Variants in TOGARAM1 observed in about 807,000 individuals in gnomAD.
TOGARAM1 encodes the protein TOG array regulator of axonemal microtubules 1, also known as TOG array regulator of axonemal microtubules protein 1.
TOGARAM1 carries 100 observed loss-of-function variants against 166.6 expected under a neutral mutation model. That is an observed-to-expected ratio of 0.60 (90% confidence interval 0.51 to 0.71). The LOEUF (loss-of-function observed/expected upper bound fraction) is 0.71, where lower values mean the gene tolerates loss of function less well. Among genes scored for constraint, TOGARAM1 ranks in the 30% least tolerant of loss-of-function variants. TOGARAM1 has a pLI of 0.00. For missense variants in TOGARAM1, 2,029 were observed against 2,102.7 expected (o/e 0.96, Z 0.69); for synonymous variants, 758 against 763.8 (o/e 0.99, Z 0.13).
At chr14:44,968,653 C>T (rs1174237505) in intron 1 of TOGARAM1, among the ~76,000 whole-genome samples, 1 of 152,198 alleles carries the variant, frequency 6.6e-6, no homozygotes, top group African/African-American at 2.4e-5. Context: ...TGACCCACCT[C>T]ATCCGGTACT....
At chr14:45,012,462 A>G (rs1276326127) in intron 7 of TOGARAM1, among the ~76,000 whole-genome samples, 7 of 152,226 alleles carry the variant, frequency 4.6e-5, no homozygotes, top group Non-Finnish European at 1.0e-4. Flanking sequence ...TTCTTTAAAA[A>G]CAATATTAAC....
At chr14:45,026,835 CAAAA>C (rs57156294) in intron 8 of TOGARAM1, among the ~76,000 whole-genome samples, 1 of 139,670 alleles carries the variant, frequency 7.2e-6, no homozygotes. Flanking sequence ...CCATCTCTAC[CAAAA>C]AAAAAAAAAA....
At chr14:45,003,795 A>G (rs1449617545) in intron 3 of TOGARAM1, among the ~76,000 whole-genome samples, 1 of 152,184 alleles carries the variant, frequency 6.6e-6, no homozygotes, top group Non-Finnish European at 1.5e-5. Flanking sequence ...ATATACATGC[A>G]TGTATGTATG....
At chr14:44,999,755 A>T (rs1189694962) in intron 3 of TOGARAM1, among the ~76,000 whole-genome samples, 1 of 152,206 alleles carries the variant, frequency 6.6e-6, no homozygotes, top group Non-Finnish European at 1.5e-5. Context: ...TGATATATAC[A>T]TAATAGTGGT....
chr14:45,041,772 G>A (rs1017809931), intron 11 of TOGARAM1, among the ~76,000 whole-genome samples: 1 of 151,922 alleles, frequency 6.6e-6, no homozygotes, highest in Non-Finnish European at 1.5e-5. Flanking sequence ...TTTTGTCTTT[G>A]TTTGTTTGAG....
intron 3 of TOGARAM1, 145 bp from the exon 4 acceptor site, chr14:45,003,911 CAAATT>C: frequency 1.9e-6 from 1 of 538,574 alleles, no homozygotes. Flanking sequence ...TTGAATAACA[CAAATT>C]AAATTAGTCC....
At chr14:45,062,704 T>C (rs774991655) in intron 16 of TOGARAM1, among the ~76,000 whole-genome samples, 4 of 152,222 alleles carry the variant, frequency 2.6e-5, no homozygotes, top group Non-Finnish European at 5.9e-5. Flanking sequence ...TTATTCATTA[T>C]AAAATAGGCT....
At chr14:44,989,112 A>G (rs990988685) in intron 1 of TOGARAM1, among the ~76,000 whole-genome samples, 1 of 152,248 alleles carries the variant, frequency 6.6e-6, no homozygotes, top group Admixed American at 6.5e-5. Flanking sequence ...ACAGCAATAC[A>G]TAATGATAGT....
chr14:45,037,459 G>A (rs1364835882), intron 11 of TOGARAM1, among the ~76,000 whole-genome samples: 2 of 152,050 alleles, frequency 1.3e-5, no homozygotes, highest in Non-Finnish European at 2.9e-5. Context: ...TCATGGAGAG[G>A]GTGTAATACA....
At chr14:45,040,633 C>T (rs1881679524) in intron 11 of TOGARAM1, among the ~76,000 whole-genome samples, 1 of 152,148 alleles carries the variant, frequency 6.6e-6, no homozygotes, top group Non-Finnish European at 1.5e-5. Flanking sequence ...AGCTGTTAAA[C>T]AGATAATATA....
intron 2 of TOGARAM1, among the ~76,000 whole-genome samples, chr14:44,997,705 C>G (rs1170449588): frequency 6.6e-6 from 1 of 151,574 alleles, no homozygotes; most frequent in South Asian, 2.1e-4. Flanking sequence ...TATAAATGAC[C>G]ATATCATTTA....
intron 16 of TOGARAM1, among the ~76,000 whole-genome samples, chr14:45,058,150 ATTGTTATAGC>A (rs1391475771): frequency 5.3e-5 from 8 of 151,794 alleles, no homozygotes; most frequent in African/African-American, 1.9e-4. Context: ...TATATTTGGG[ATTGTTATAGC>A]TTCTTGCTGA....
Position 44,963,311 on chromosome 14 carries a change from C to T in TOGARAM1, c.890C>T (p.Ser297Phe). The change falls in exon 1 of 20, where the codon TCT becomes TTT. Residue 297 changes from serine to phenylalanine, a missense_variant. Physicochemically the swap from Ser to Phe is radical, Grantham distance 155. Coordinates refer to ENST00000361462, the MANE Select transcript of TOGARAM1 (RefSeq NM_001308120.2). ...LGQDRFQSYI[S>F]RLPSALRRHY... Reference sequence around the variant, plus strand: ...CAAGACAGGTTTCAATCTTACATTTCTCGTCTGCCCTCTGCCCTGAGGAGA... The same window carrying T: ...CAAGACAGGTTTCAATCTTACATTTTTCGTCTGCCCTCTGCCCTGAGGAGA... The T allele has an allele frequency of 6.2e-7, 1 of 1,614,208 alleles. No homozygotes were observed. Among genetic ancestry groups the T allele is most frequent in the Non-Finnish European group, 8.5e-7 (1 of 1,180,036 alleles).
chr14:44,988,535 GAA>G (rs1376716459), intron 1 of TOGARAM1, among the ~76,000 whole-genome samples: 21 of 152,146 alleles, frequency 1.4e-4, no homozygotes, highest in Non-Finnish European at 5.9e-5. Context: ...AAACTATTAG[GAA>G]TGTTGATCAG....
intron 1 of TOGARAM1, among the ~76,000 whole-genome samples, chr14:44,994,025 C>T (rs1004245246): frequency 6.6e-6 from 1 of 152,102 alleles, no homozygotes; most frequent in African/African-American, 2.4e-5. Context: ...CCATTATATC[C>T]TTTTGATACT....
chr14:45,063,010 T>C (rs964512071), intron 16 of TOGARAM1, among the ~76,000 whole-genome samples: 3 of 152,194 alleles, frequency 2.0e-5, no homozygotes, highest in African/African-American at 7.2e-5. Flanking sequence ...TTGTCTTCTG[T>C]TTCTATGGAT....
intron 1 of TOGARAM1, among the ~76,000 whole-genome samples, chr14:44,973,385 T>C (rs1230163075): frequency 6.6e-6 from 1 of 151,964 alleles, no homozygotes; most frequent in African/African-American, 2.4e-5. Flanking sequence ...ATATTTGTAA[T>C]TTCTTCCTCC....
intron 1 of TOGARAM1, among the ~76,000 whole-genome samples, chr14:44,972,097 A>AT (rs1369503977): frequency 3.3e-5 from 5 of 152,118 alleles, no homozygotes; most frequent in African/African-American, 1.2e-4. Context: ...AGGAAAGGGG[A>AT]TATCCAACCC....
At chr14:45,005,756 T>C (rs370453144) in intron 4 of TOGARAM1, among the ~76,000 whole-genome samples, 1 of 152,226 alleles carries the variant, frequency 6.6e-6, no homozygotes, top group South Asian at 2.1e-4. Context: ...TATGGCATAT[T>C]CAGTCAATTT....
Sources: gnomAD v4.1 joint callset for allele counts (sites outside exome capture counted in the v4.1 genomes callset) on GRCh38, gnomAD v4.1.1 for gene constraint, MANE v1.5 for transcripts, NCBI Gene and HGNC (gene_info 2026-07-23, HGNC 2026-07-21) for gene names.